Variants in URB1 observed in about 807,000 individuals in gnomAD.
URB1 encodes the protein nucleolar pre-ribosomal-associated protein 1.
Under a neutral mutation model 242.3 loss-of-function variants are expected in URB1, and 197 were observed. The observed-to-expected ratio is 0.81, with a 90% CI of 0.72 to 0.91. URB1 has a LOEUF of 0.91. Ranked by LOEUF, URB1 falls within the 40% of genes least tolerant of loss-of-function variation. The probability of loss-of-function intolerance (pLI) is 0.00; values close to 1 mark genes in which losing one functional copy is unlikely to be tolerated. For synonymous variants in URB1, 1,153 were observed against 1,201.8 expected (o/e 0.96, Z 0.84); for missense variants, 2,721 against 2,860.5 (o/e 0.95, Z 1.11).
intron 30 of URB1, among the ~76,000 whole-genome samples, chr21:32,332,687 A>C (rs2032910935): frequency 1.3e-5 from 2 of 152,108 alleles, no homozygotes; most frequent in Non-Finnish European, 2.9e-5. Flanking sequence ...TGCAGATAGC[A>C]AATAAGCCAC....
chr21:32,370,681 T>C (rs2033396705), intron 8 of URB1, among the ~76,000 whole-genome samples: 1 of 152,206 alleles, frequency 6.6e-6, no homozygotes, highest in South Asian at 2.1e-4. Context: ...TCTGCTCTGT[T>C]AACCTACACC....
chr21:32,347,582 T>C lies in URB1; in HGVS notation c.3242A>G (p.Gln1081Arg). 1 of 1,551,522 alleles carries C rather than the reference T, an allele frequency of 6.4e-7. No homozygotes were observed. Among genetic ancestry groups the C allele is most frequent in the Non-Finnish European group, 8.7e-7 (1 of 1,146,916 alleles). ...GTTCTGAAGTTCCTTCAGCACACTC[T>C]GGGTGATGGCCTCTGAGTACCTGGC... ...LLARYSEAIT[Q>R]SVLKELQNRR... is the part of the protein sequence containing the mutation. The change falls in exon 22 of 39, where the codon CAG becomes CGG. Residue 1081 changes from glutamine to arginine, a missense_variant. Gln to Arg is a conservative substitution (Grantham distance 43, BLOSUM62 1). Coordinates refer to ENST00000382751, the MANE Select transcript of URB1 (RefSeq NM_014825.3).
intron 25 of URB1, 126 bp downstream of exon 25, chr21:32,341,340 T>TA: frequency 1.1e-6 from 1 of 934,186 alleles, no homozygotes; most frequent in Admixed American, 2.6e-5. Context: ...CTTCTATCTC[T>TA]AAAAACGAGG....
At chr21:32,353,127 C>A (rs568280395) in intron 18 of URB1, among the ~76,000 whole-genome samples, 6 of 152,170 alleles carry the variant, frequency 3.9e-5, no homozygotes, top group Non-Finnish European at 8.8e-5. Context: ...ACTCCCGAGG[C>A]CCAGGAGTGA....
Position 32,347,153 on chromosome 21 carries a change from G to A in URB1, c.3671C>T (p.Ala1224Val), listed in dbSNP as rs1040161414. 37 of 1,548,774 alleles carry A rather than the reference G, an allele frequency of 2.4e-5. No individual in the cohort carries two copies. Among genetic ancestry groups the A allele is most frequent in the Admixed American group, 2.2e-4 (11 of 50,962 alleles). The part of the protein sequence containing the change: ...VGADLLDYCL[A>V]RRTQAALSIA... ...GCTGAGGGCCGCCTGTGTGCGCCGG[G>A]CCAGGCAGTAGTCAAGCAGATCAGC... Residue 1224 changes from alanine to valine, a missense_variant, in exon 22 of 39, where the codon GCC becomes GTC. By Grantham distance (64) the Ala-to-Val change is moderately conservative. Coordinates refer to ENST00000382751, the MANE Select transcript of URB1 (RefSeq NM_014825.3).
chr21:32,359,484 T>C (rs1476774965), intron 14 of URB1, among the ~76,000 whole-genome samples: 1 of 152,224 alleles, frequency 6.6e-6, no homozygotes, highest in Non-Finnish European at 1.5e-5. Context: ...TGTATTTTAT[T>C]TTGTTTATTA....
intron 12 of URB1, among the ~76,000 whole-genome samples, chr21:32,361,387 T>G (rs2033286116): frequency 6.6e-6 from 1 of 152,184 alleles, no homozygotes; most frequent in Non-Finnish European, 1.5e-5. Context: ...GGTTAAAACC[T>G]CATTTCACTG....
chr21:32,321,331 T>G (rs1011958027), intron 34 of URB1, among the ~76,000 whole-genome samples: 9 of 152,194 alleles, frequency 5.9e-5, no homozygotes, highest in African/African-American at 2.2e-4. Context: ...GGTGAGGCTG[T>G]CTGTTTCAAC....
chr21:32,375,398 C>T lies in URB1; in HGVS notation c.750G>A (p.Lys250=). ...GAAACGCGGATCACCAAGCACATACCTTTGTTTTCAGTGTGGATAATAAAA... is the reference window on the plus strand; with the variant it reads ...GAAACGCGGATCACCAAGCACATACTTTTGTTTTCAGTGTGGATAATAAAA... The part of the protein sequence containing the change: ...INILLSTLKT[K]VVHNKNITKT... Residue 250 remains lysine, a splice_region_variant and synonymous_variant, in exon 6 of 39, where the codon AAG becomes AAA. Coordinates refer to ENST00000382751, the MANE Select transcript of URB1 (RefSeq NM_014825.3). 1 of 1,518,370 alleles carries T rather than the reference C, an allele frequency of 6.6e-7. No homozygotes were observed. The highest frequency in any genetic ancestry group is 8.9e-7 in the Non-Finnish European group (1 of 1,128,628). The allele number at this position is 1,518,370 out of a possible 1,614,324, so 94.1% of individuals were successfully genotyped here. A position where few individuals can be genotyped will look rare whatever the true frequency, so the allele number is the denominator to read the frequency against.
At chr21:32,329,094 TAC>T (rs1386608497) in intron 30 of URB1, among the ~76,000 whole-genome samples, 3 of 105,892 alleles carry the variant, frequency 2.8e-5, no homozygotes, top group African/African-American at 6.7e-5. Flanking sequence ...CATAGAGAGA[TAC>T]AGTCTCTACC....
chr21:32,314,967 G>A lies in URB1; in HGVS notation c.6767C>T (p.Ala2256Val). The change falls in exon 39 of 39, where the codon GCC (alanine) becomes GTC (valine). Residue 2256 changes from alanine (A) to valine (V), a missense_variant. Ala to Val is a moderately conservative substitution (Grantham distance 64). Transcript: ENST00000382751. Reference protein sequence around the residue: ...ADDAPSSEEEAIVVLCKDAAS... With the variant: ...ADDAPSSEEEVIVVLCKDAAS... ...GGCGTCCTTGCAGAGCACCACGATGGCCTCCTCTTCACTGCTCGGGGCATC... is the reference window on the plus strand; with the variant it reads ...GGCGTCCTTGCAGAGCACCACGATGACCTCCTCTTCACTGCTCGGGGCATC... The A allele has an allele frequency of 1.9e-6, 3 of 1,551,652 alleles. No individual in the cohort carries two copies. Among genetic ancestry groups the A allele is most frequent in the South Asian group, 1.2e-5 (1 of 84,060 alleles).
At chr21:32,380,317 G>A (rs2833794) in intron 4 of URB1, among the ~76,000 whole-genome samples, 20,106 of 152,112 alleles carry the variant, frequency 0.13, 1,644 homozygotes, top group African/African-American at 0.23. Context: ...GTTTATCCCC[G>A]TCCATGTCAC....
intron 30 of URB1, among the ~76,000 whole-genome samples, chr21:32,326,982 C>T (rs549195543): frequency 4.6e-5 from 7 of 152,030 alleles, no homozygotes; most frequent in Admixed American, 3.9e-4. Context: ...ATGAACAGAA[C>T]ATCAGTGTCC....
intron 19 of URB1, among the ~76,000 whole-genome samples, chr21:32,352,289 A>G (rs1401122786): frequency 6.6e-6 from 1 of 152,186 alleles, no homozygotes; most frequent in Non-Finnish European, 1.5e-5. Context: ...CTTTAACAGA[A>G]GAGACCCTGC....
At chr21:32,373,881 T>C in intron 6 of URB1, 109 bp from the exon 7 acceptor site, 4 of 1,148,984 alleles carry the variant, frequency 3.5e-6, no homozygotes, top group Non-Finnish European at 4.7e-6. Context: ...ATAAAAATAA[T>C]GCTTGCTAGT....
At position 32,312,195 on chromosome 21, in the gene URB1, G is replaced by C; in HGVS notation, c.*2723C>G. The C allele has an allele frequency of 3.4e-6, 5 of 1,491,456 alleles. No individual in the cohort carries two copies. The highest frequency in any genetic ancestry group is 4.5e-6 in the Non-Finnish European group (5 of 1,123,140). The allele number at this position is 1,491,456 out of a possible 1,614,324, so 92.4% of individuals were successfully genotyped here. A position where few individuals can be genotyped will look rare whatever the true frequency, so the allele number is the denominator to read the frequency against. On this transcript the variant is annotated 3_prime_UTR_variant, in exon 39 of 39. Coordinates refer to ENST00000382751, the MANE Select transcript of URB1 (RefSeq NM_014825.3). Reference sequence around the variant, plus strand: ...GAGTGCAGAGGTCATCCCAGGTGTTGCTGAGTTTATTGAGCACACCTAGCC... The same window carrying C: ...GAGTGCAGAGGTCATCCCAGGTGTTCCTGAGTTTATTGAGCACACCTAGCC...
At chr21:32,365,175 C>A (rs529851558) in intron 10 of URB1, among the ~76,000 whole-genome samples, 1 of 152,280 alleles carries the variant, frequency 6.6e-6, no homozygotes, top group Admixed American at 6.5e-5. Context: ...CTGGGTGTGG[C>A]GGCTCAGACT....
At chr21:32,329,644 A>G (rs1030427864) in intron 30 of URB1, among the ~76,000 whole-genome samples, 20 of 152,246 alleles carry the variant, frequency 1.3e-4, no homozygotes, top group African/African-American at 4.8e-4. Context: ...AATAAGGTTA[A>G]GAAAATAGGT....
chr21:32,314,863 T>C lies in URB1; in HGVS notation c.*55A>G, dbSNP rs544655811. On this transcript the variant is annotated 3_prime_UTR_variant, in exon 39 of 39. Transcript: ENST00000382751. The stretch of plus-strand genomic sequence containing the variant: ...TTGACTCAACCAAACTTCTAGAAGC[T>C]GGTGCTGTGCTCGAGGCTCTGGTCA... The C allele has an allele frequency of 5.2e-6, 8 of 1,526,422 alleles. No individual in the cohort carries two copies. The African/African-American group carries it at 1.1e-4, about 21-fold the overall frequency. The allele number at this position is 1,526,422 out of a possible 1,614,324, so 94.6% of individuals were successfully genotyped here.
Sources: allele counts gnomAD v4.1 joint callset (sites outside exome capture counted in the v4.1 genomes callset), GRCh38; gene constraint gnomAD v4.1.1; transcripts MANE v1.5; gene names NCBI Gene and HGNC (gene_info 2026-07-23, HGNC 2026-07-21).